Variants in PRUNE2 observed in about 807,000 individuals in gnomAD.
PRUNE2 encodes prune homolog 2 with BCH domain.
PRUNE2 carries 164 observed loss-of-function variants against 252.0 expected under a neutral mutation model. The observed-to-expected ratio is 0.65, with a 90% CI of 0.57 to 0.74. PRUNE2 has a LOEUF of 0.74. Ranked by LOEUF, PRUNE2 falls within the 30% of genes least tolerant of loss-of-function variation. The pLI, the probability that PRUNE2 is intolerant of heterozygous loss-of-function variation, is 0.00. For missense variants in PRUNE2, 3,495 were observed against 3,711.0 expected (o/e 0.94, Z 1.51); for synonymous variants, 1,292 against 1,350.2 (o/e 0.96, Z 0.94).
intron 1 of PRUNE2, among the ~76,000 whole-genome samples, chr9:76,854,997 C>T (rs923463925): frequency 4.2e-5 from 6 of 142,152 alleles, no homozygotes; most frequent in South Asian, 4.5e-4. Context: ...ACCCAGGAGG[C>T]GGAGGTTGCA....
intron 9 of PRUNE2, among the ~76,000 whole-genome samples, chr9:76,686,280 G>C (rs935087848): frequency 7.2e-5 from 11 of 152,050 alleles, no homozygotes; most frequent in African/African-American, 2.2e-4. Flanking sequence ...TCACATTTTT[G>C]GGTTACCAGG....
intron 6 of PRUNE2, chr9:76,783,567 T>A (rs1389003971): frequency 5.9e-5 from 9 of 152,250 alleles, no homozygotes; most frequent in Non-Finnish European, 1.3e-4. Context: ...AGTATTAAAA[T>A]TCTGTGCCCA....
chr9:76,645,602 C>T (rs965246516), intron 11 of PRUNE2, among the ~76,000 whole-genome samples: 2 of 151,684 alleles, frequency 1.3e-5, no homozygotes, highest in Admixed American at 6.6e-5. Flanking sequence ...ATAAAAAAGC[C>T]TACTGAGCAT....
chr9:76,779,970 A>T (rs1026775215), intron 6 of PRUNE2: 2 of 152,250 alleles, frequency 1.3e-5, no homozygotes, highest in Non-Finnish European at 2.9e-5. Context: ...CAGGGATTCA[A>T]CTAGAAATAT....
At chr9:76,699,379 TA>T (rs1303247454) in intron 9 of PRUNE2, among the ~76,000 whole-genome samples, 2 of 152,178 alleles carry the variant, frequency 1.3e-5, no homozygotes, top group African/African-American at 2.4e-5. Context: ...GATGTTGTTG[TA>T]AAAGTATTTT....
chr9:76,682,206 TAAA>T (rs1038679799), intron 9 of PRUNE2, among the ~76,000 whole-genome samples: 1 of 151,792 alleles, frequency 6.6e-6, no homozygotes, highest in Non-Finnish European at 1.5e-5. Flanking sequence ...GAGATATTAA[TAAA>T]AAAACTTTTA....
intron 6 of PRUNE2, among the ~76,000 whole-genome samples, chr9:76,723,979 T>C (rs954582409): frequency 3.3e-5 from 5 of 151,210 alleles, no homozygotes; most frequent in African/African-American, 9.7e-5. Context: ...GGCTAACTTT[T>C]TGTATTTTTA....
intron 9 of PRUNE2, among the ~76,000 whole-genome samples, chr9:76,685,058 G>T (rs2134305474): frequency 6.6e-6 from 1 of 152,260 alleles, no homozygotes; most frequent in Admixed American, 6.5e-5. Flanking sequence ...GGCCACTTCT[G>T]CCTCTTATTA....
chr9:76,805,830 C>T lies in PRUNE2; in HGVS notation c.756+17802G>A, dbSNP rs565517849. Among the ~76,000 whole-genome samples, 3 of 152,288 alleles carry T rather than the reference C, an allele frequency of 2.0e-5. No homozygotes were observed. In the East Asian group the frequency reaches 5.8e-4, roughly 29 times the overall value. On this transcript the variant is annotated intron_variant, in intron 6 of 18. Transcript: ENST00000376718. ...TGAAGTAAGAACAGGACTTTTGAAT[C>T]AGATGTCCCTGGACTGGAATGCCAC... is the stretch of plus-strand genomic sequence containing the variant.
chr9:76,611,563 T>C lies in PRUNE2; in HGVS notation c.*3007A>G, dbSNP rs944588247. 3 of 152,408 alleles carry C rather than the reference T, an allele frequency of 2.0e-5. No homozygotes were observed. Among genetic ancestry groups the C allele is most frequent in the African/African-American group, 7.2e-5 (3 of 41,458 alleles). The allele number at this position is 152,408 out of a possible 1,614,324, so 9.4% of individuals were successfully genotyped here. ...CCTTTAGATATATAAAAGATTAATTTGTGCACATCTAAATGTTTCTAAGGG... is the reference window on the plus strand; with the variant it reads ...CCTTTAGATATATAAAAGATTAATTCGTGCACATCTAAATGTTTCTAAGGG... On this transcript the variant is annotated 3_prime_UTR_variant, in exon 19 of 19. Coordinates refer to ENST00000376718, the MANE Select transcript of PRUNE2 (RefSeq NM_015225.3).
chr9:76,632,667 C>G lies in PRUNE2; in HGVS notation c.9051-3377G>C, dbSNP rs1204753343. 5.9e-5 allele frequency among the ~76,000 whole-genome samples: 9 copies of G among 152,258 alleles called. No homozygotes were observed. In the South Asian group the frequency reaches 1.9e-3, roughly 32 times the overall value. ...TGGACTCCTGGGCTCAGGTAATCCT[C>G]CTATCTCTGCCTCTGGAGTAGCTAG... On this transcript the variant is annotated intron_variant, in intron 15 of 18. Transcript: ENST00000376718.
chr9:76,850,698 A>G (rs1051921773), intron 2 of PRUNE2, 33 bp from the exon 3 acceptor site: 1 of 1,468,940 alleles, frequency 6.8e-7, no homozygotes, highest in Non-Finnish European at 9.5e-7. Context: ...AATTACTGAA[A>G]ATAGCAGGAG....
At chr9:76,826,938 C>A (rs894894167) in intron 4 of PRUNE2, among the ~76,000 whole-genome samples, 1 of 152,268 alleles carries the variant, frequency 6.6e-6, no homozygotes, top group African/African-American at 2.4e-5. Context: ...CCAAGTACTG[C>A]TCTCTACAAC....
In PRUNE2 at chr9:76,850,653, C is replaced by G; in HGVS notation, c.154G>C (p.Gly52Arg). The G allele has an allele frequency of 3.7e-6, 6 of 1,613,104 alleles. No individual in the cohort carries two copies. Among genetic ancestry groups the G allele is most frequent in the Non-Finnish European group, 5.1e-6 (6 of 1,179,306 alleles). ...AYFLDKVSPP[G>R]VLCLPVLNIP... Reference sequence around the variant, plus strand: ...TTCAGCACTGGTAAACACAGAACCCCTGGTGGACTGACCTACCAAGAAAAA... The same window carrying G: ...TTCAGCACTGGTAAACACAGAACCCGTGGTGGACTGACCTACCAAGAAAAA... The change falls in exon 3 of 19, where the codon GGG (glycine) becomes CGG (arginine). Residue 52 changes from glycine to arginine, a missense_variant. Physicochemically the swap from Gly to Arg is moderately radical, Grantham distance 125. Transcript: ENST00000376718.
At position 76,644,761 on chromosome 9, in the gene PRUNE2, G is replaced by A. The variant is rs201494385; in HGVS notation, c.8706C>T (p.Tyr2902=). 2.5e-6 allele frequency: 4 copies of A among 1,613,770 alleles called. No homozygotes were observed. The highest frequency in any genetic ancestry group is 1.6e-4 in the Middle Eastern group (1 of 6,084). The change falls in exon 12 of 19, where the codon TAC becomes TAT. Residue 2902 remains tyrosine, a synonymous_variant. Coordinates refer to ENST00000376718, the MANE Select transcript of PRUNE2 (RefSeq NM_015225.3). ...TACCTCCGTGAGAAATGACTCTCCT[G>A]TAGGGCTCGATGACCTTCATGTCAA... ...QRIDMKVIEP[Y]RRVISHGGYY...
chr9:76,703,752 T>C lies in PRUNE2; in HGVS notation c.7861A>G (p.Arg2621Gly), dbSNP rs553375575. 54 of 1,613,616 alleles carry C rather than the reference T, an allele frequency of 3.3e-5. No individual in the cohort carries two copies. Among genetic ancestry groups the C allele is most frequent in the Non-Finnish European group, 4.5e-5 (53 of 1,179,856 alleles). Reference protein sequence around the residue: ...AEKMSSKSDTRSSFESPAQDQ... With the variant: ...AEKMSSKSDTGSSFESPAQDQ... ...TGTGCAGGGCTTTCAAAAGATGATC[T>C]CGTATCGCTTTTAGAAGACATTTTC... Residue 2621 changes from arginine (R) to glycine (G), a missense_variant, in exon 9 of 19, where the codon AGA (arginine) becomes GGA (glycine). Transcript: ENST00000376718.
At chr9:76,802,068 C>T (rs191687418) in intron 6 of PRUNE2, among the ~76,000 whole-genome samples, 48 of 152,030 alleles carry the variant, frequency 3.2e-4, no homozygotes, top group Non-Finnish European at 4.0e-4. Flanking sequence ...GATTGATTTA[C>T]GTATTTTACG....
At chr9:76,694,975 T>C (rs2045239555) in intron 9 of PRUNE2, among the ~76,000 whole-genome samples, 1 of 152,200 alleles carries the variant, frequency 6.6e-6, no homozygotes, top group Non-Finnish European at 1.5e-5. Context: ...CAACAGCTGC[T>C]TGAGTTGATG....
chr9:76,768,815 G>A (rs926515833), intron 6 of PRUNE2, among the ~76,000 whole-genome samples: 1 of 152,096 alleles, frequency 6.6e-6, no homozygotes, highest in African/African-American at 2.4e-5. Context: ...CATGGTATGA[G>A]ACTCTGTATG....
Sources: allele counts gnomAD v4.1 joint callset (sites outside exome capture counted in the v4.1 genomes callset), GRCh38; gene constraint gnomAD v4.1.1; transcripts MANE v1.5; gene names NCBI Gene and HGNC (gene_info 2026-07-23, HGNC 2026-07-21).